Variants in UVRAG observed in about 807,000 individuals in gnomAD.
The protein encoded by UVRAG is UV radiation resistance-associated gene protein.
In UVRAG, 19 loss-of-function variants were observed where a neutral mutation model predicts 78.0. That is an observed-to-expected ratio of 0.24 (90% confidence interval 0.17 to 0.36). The LOEUF (loss-of-function observed/expected upper bound fraction) is 0.36. Ranked by LOEUF, UVRAG falls within the 10% of genes least tolerant of loss-of-function variation. The pLI is 1.00. For missense variants in UVRAG, 740 were observed against 853.8 expected (o/e 0.87, Z 1.66); for synonymous variants, 323 against 324.6 (o/e 1.00, Z 0.05).
At chr11:76,020,942 C>T (rs896447840) in intron 12 of UVRAG, among the ~76,000 whole-genome samples, 2 of 152,120 alleles carry the variant, frequency 1.3e-5, no homozygotes, top group Non-Finnish European at 2.9e-5. Context: ...TAAATGCTGC[C>T]TCCATGGATG....
chr11:75,879,269 C>G (rs931771990), intron 3 of UVRAG, among the ~76,000 whole-genome samples: 3 of 152,188 alleles, frequency 2.0e-5, no homozygotes, highest in African/African-American at 7.2e-5. Context: ...TGTGCTCCAG[C>G]AGTAGTCCTG....
intron 12 of UVRAG, among the ~76,000 whole-genome samples, chr11:76,035,663 A>G (rs1359822352): frequency 3.9e-5 from 6 of 152,226 alleles, no homozygotes; most frequent in Non-Finnish European, 8.8e-5. Context: ...GGTCTTTGTG[A>G]TTTAGTAAAG....
At chr11:76,034,038 A>C (rs1345471923) in intron 12 of UVRAG, among the ~76,000 whole-genome samples, 1 of 152,156 alleles carries the variant, frequency 6.6e-6, no homozygotes, top group Non-Finnish European at 1.5e-5. Flanking sequence ...AATATTTATT[A>C]TGTCTGTATT....
At chr11:76,053,473 ACAAT>A (rs1950913322) in intron 12 of UVRAG, among the ~76,000 whole-genome samples, 3 of 152,222 alleles carry the variant, frequency 2.0e-5, no homozygotes, top group South Asian at 4.1e-4. Flanking sequence ...CCATTTTGTA[ACAAT>A]CAATCCATCA....
rs570927439 is a variant in UVRAG, at chr11:76,102,097, T to C, written c.1306-13827T>C. On this transcript the variant is annotated intron_variant, in intron 13 of 14. Coordinates refer to ENST00000356136, the MANE Select transcript of UVRAG (RefSeq NM_003369.4). The stretch of plus-strand genomic sequence containing the variant: ...TGGTTCCATATGAATTTTAAAGTAG[T>C]TTTTTCTAGTTCTATGAAGAATGTC... 7.9e-5 allele frequency among the ~76,000 whole-genome samples: 12 copies of C among 152,282 alleles called. No homozygotes were observed. The South Asian group carries it at 2.1e-3, about 26-fold the overall frequency.
chr11:76,116,072 T>C (rs1952175013), intron 14 of UVRAG, 57 bp downstream of exon 14: 1 of 1,538,562 alleles, frequency 6.5e-7, no homozygotes, highest in African/African-American at 1.4e-5. Context: ...ATCCTGAAAA[T>C]CTTTTCTGAC....
At chr11:75,946,055 A>T (rs560331082) in intron 6 of UVRAG, among the ~76,000 whole-genome samples, 1 of 152,264 alleles carries the variant, frequency 6.6e-6, no homozygotes, top group South Asian at 2.1e-4. Context: ...CATTATGAAG[A>T]TAATGCTCTG....
chr11:75,833,481 C>T (rs368626452), intron 1 of UVRAG, among the ~76,000 whole-genome samples: 17 of 152,114 alleles, frequency 1.1e-4, no homozygotes, highest in South Asian at 4.1e-4. Flanking sequence ...ATGTATTTCC[C>T]GGAATAGGGA....
chr11:75,967,382 C>T (rs1949042903), intron 7 of UVRAG, among the ~76,000 whole-genome samples: 1 of 152,126 alleles, frequency 6.6e-6, no homozygotes, highest in Non-Finnish European at 1.5e-5. Flanking sequence ...AAATCTTTTC[C>T]TTTTCTTAGT....
At chr11:75,900,833 G>A (rs1364604767) in intron 5 of UVRAG, among the ~76,000 whole-genome samples, 2 of 152,150 alleles carry the variant, frequency 1.3e-5, no homozygotes, top group African/African-American at 4.8e-5. Flanking sequence ...TTCAGGATCT[G>A]TATATCTTTG....
Position 75,912,012 on chromosome 11 carries a change from A to G in UVRAG, c.566A>G (p.Asn189Ser), listed in dbSNP as rs748133487. 6.0e-5 allele frequency: 96 copies of G among 1,612,888 alleles called. No individual in the cohort carries two copies. The highest frequency in any genetic ancestry group is 7.8e-5 in the Non-Finnish European group (92 of 1,179,262). Residue 189 changes from asparagine to serine, a missense_variant, in exon 6 of 15, where the codon AAT becomes AGT. Transcript: ENST00000356136. ...LLQVDQNCVR[N>S]SYDVFSLLRL... ...CAGGTGGATCAGAACTGTGTTCGCA[A>G]TTCTTACGATGTCTTCTCTTTGCTA...
At chr11:75,832,300 G>A (rs374052298) in intron 1 of UVRAG, among the ~76,000 whole-genome samples, 1 of 152,150 alleles carries the variant, frequency 6.6e-6, no homozygotes, top group Non-Finnish European at 1.5e-5. Context: ...TCCCACAGAC[G>A]TCAGTCCCAA....
chr11:76,015,052 C>T (rs1565120718), intron 11 of UVRAG, among the ~76,000 whole-genome samples: 1 of 152,146 alleles, frequency 6.6e-6, no homozygotes. Context: ...AGAGAACAGA[C>T]ATTCCTTGAG....
chr11:75,877,730 G>A (rs1284557453), intron 3 of UVRAG, among the ~76,000 whole-genome samples: 1 of 141,444 alleles, frequency 7.1e-6, no homozygotes, highest in Non-Finnish European at 1.6e-5. Flanking sequence ...CTGGCCGGGC[G>A]GGGGGCTGAC....
chr11:75,850,089 C>A (rs1044678292), intron 1 of UVRAG, among the ~76,000 whole-genome samples: 3 of 149,670 alleles, frequency 2.0e-5, no homozygotes, highest in Non-Finnish European at 2.9e-5. Context: ...AGCAGCCAAT[C>A]AGAGGCTGAA....
intron 1 of UVRAG, among the ~76,000 whole-genome samples, chr11:75,844,898 T>G (rs1346075400): frequency 6.6e-6 from 1 of 152,084 alleles, no homozygotes; most frequent in Non-Finnish European, 1.5e-5. Flanking sequence ...ACTCCTGGGC[T>G]CAAGCGATGT....
intron 3 of UVRAG, among the ~76,000 whole-genome samples, chr11:75,872,420 A>C: frequency 7.2e-6 from 1 of 138,576 alleles, no homozygotes; most frequent in Non-Finnish European, 1.5e-5. Context: ...ACGGAGGCTC[A>C]CTCTGTCGCC....
At chr11:76,126,036 G>C (rs942713733) in intron 14 of UVRAG, among the ~76,000 whole-genome samples, 4 of 147,156 alleles carry the variant, frequency 2.7e-5, no homozygotes, top group Non-Finnish European at 5.9e-5. Context: ...TGCAAGCTCC[G>C]CCTCCCGGGT....
At chr11:76,082,781 G>C (rs149763037) in intron 13 of UVRAG, among the ~76,000 whole-genome samples, 185 of 152,214 alleles carry the variant, frequency 1.2e-3, no homozygotes, top group Middle Eastern at 3.4e-3. Flanking sequence ...TGTAATCCTA[G>C]CACTTTGGGA....
Sources: allele counts gnomAD v4.1 joint callset (sites outside exome capture counted in the v4.1 genomes callset), GRCh38; gene constraint gnomAD v4.1.1; transcripts MANE v1.5; gene names NCBI Gene and HGNC (gene_info 2026-07-23, HGNC 2026-07-21).